LARGE1: variants seen among roughly 807,000 people sequenced by gnomAD.
LARGE1 encodes xylosyl- and glucuronyltransferase LARGE1.
In LARGE1, 43 loss-of-function variants were observed where a neutral mutation model predicts 87.6. The ratio of observed to expected loss-of-function variants is 0.49; its 90% CI spans 0.38 to 0.63. LARGE1 has a LOEUF of 0.63. Ranked by LOEUF, LARGE1 falls within the 30% of genes least tolerant of loss-of-function variation. The probability of loss-of-function intolerance (pLI) is 0.00; values close to 1 mark genes in which losing one functional copy is unlikely to be tolerated. For missense variants in LARGE1, 802 were observed against 1,000.2 expected (o/e 0.80, Z 2.67); for synonymous variants, 434 against 394.6 (o/e 1.10, Z -1.18).
intron 9 of LARGE1, among the ~76,000 whole-genome samples, chr22:33,371,948 C>A (rs2064823644): frequency 6.7e-6 from 1 of 149,886 alleles, no homozygotes; most frequent in Non-Finnish European, 1.5e-5. Context: ...TGCACCACTG[C>A]ACTCCAGCCT....
intron 1 of LARGE1, among the ~76,000 whole-genome samples, chr22:33,776,847 C>A (rs1442069209): frequency 1.3e-5 from 2 of 152,138 alleles, no homozygotes; most frequent in African/African-American, 4.8e-5. Context: ...TATTGCTTTA[C>A]CTTTTCTCTA....
At chr22:33,874,517 G>T (rs1252737229) in intron 1 of LARGE1, among the ~76,000 whole-genome samples, 2 of 152,156 alleles carry the variant, frequency 1.3e-5, no homozygotes, top group African/African-American at 2.4e-5. Context: ...TATTTTAAAT[G>T]GATTATAAAA....
intron 9 of LARGE1, among the ~76,000 whole-genome samples, chr22:33,359,754 T>C (rs796457571): frequency 2.0e-5 from 3 of 148,330 alleles, no homozygotes; most frequent in East Asian, 3.9e-4. Context: ...TTAGTAGAGA[T>C]GGGGTTTCAC....
intron 7 of LARGE1, among the ~76,000 whole-genome samples, chr22:33,409,619 G>C (rs998193541): frequency 6.6e-6 from 1 of 152,006 alleles, no homozygotes; most frequent in African/African-American, 2.4e-5. Context: ...AAATCCACTT[G>C]GGGAGGCTGA....
At chr22:33,561,476 G>A (rs903213400) in intron 6 of LARGE1, among the ~76,000 whole-genome samples, 1 of 152,198 alleles carries the variant, frequency 6.6e-6, no homozygotes, top group Non-Finnish European at 1.5e-5. Context: ...TATCTCGTGA[G>A]AAGCATACCA....
chr22:33,826,053 A>G (rs962107436), intron 1 of LARGE1, among the ~76,000 whole-genome samples: 3 of 152,146 alleles, frequency 2.0e-5, no homozygotes, highest in African/African-American at 2.4e-5. Context: ...AGGAGTGTTC[A>G]CTTCTGTCTT....
At chr22:33,555,369 T>C (rs2077644642) in intron 6 of LARGE1, among the ~76,000 whole-genome samples, 1 of 151,876 alleles carries the variant, frequency 6.6e-6, no homozygotes, top group East Asian at 2.0e-4. Flanking sequence ...TCTTGATAAG[T>C]AATTAGATAT....
intron 11 of LARGE1, among the ~76,000 whole-genome samples, chr22:33,247,192 C>A (rs1199962156): frequency 1.3e-5 from 2 of 151,330 alleles, no homozygotes; most frequent in East Asian, 3.9e-4. Context: ...CCAAAATGTT[C>A]TTTTTTAAAA....
chr22:33,511,950 G>A (rs1569226777), intron 6 of LARGE1, among the ~76,000 whole-genome samples: 3 of 152,124 alleles, frequency 2.0e-5, no homozygotes, highest in South Asian at 4.1e-4. Flanking sequence ...TTGTACCTGA[G>A]GCCCAGGAAA....
chr22:33,294,650 C>T (rs568791411), intron 12 of LARGE1, among the ~76,000 whole-genome samples: 9 of 152,182 alleles, frequency 5.9e-5, no homozygotes, highest in Non-Finnish European at 1.2e-4. Flanking sequence ...TCTGCATCTT[C>T]TTTGGGACTG....
intron 6 of LARGE1, among the ~76,000 whole-genome samples, chr22:33,474,942 A>T (rs2069007745): frequency 1.3e-5 from 2 of 152,160 alleles, no homozygotes; most frequent in Non-Finnish European, 2.9e-5. Flanking sequence ...AGCTGAAGTG[A>T]GAGGCCAGGA....
intron 1 of LARGE1, among the ~76,000 whole-genome samples, chr22:33,842,909 CAAACA>C (rs138595293): frequency 0.21 from 30,722 of 146,308 alleles, 3,335 homozygotes; most frequent in Middle Eastern, 0.31. Context: ...CATTCTAGCA[CAAACA>C]AAACAAAACA....
At chr22:33,610,762 G>A (rs2079403742) in intron 4 of LARGE1, among the ~76,000 whole-genome samples, 1 of 152,130 alleles carries the variant, frequency 6.6e-6, no homozygotes, top group African/African-American at 2.4e-5. Flanking sequence ...AAGTCTTCCA[G>A]GCTGCCCCTC....
intron 9 of LARGE1, among the ~76,000 whole-genome samples, chr22:33,350,931 T>C (rs1940313218): frequency 6.6e-6 from 1 of 152,172 alleles, no homozygotes; most frequent in Non-Finnish European, 1.5e-5. Flanking sequence ...CAGAGTCCTT[T>C]TGAGGAGACA....
intron 1 of LARGE1, among the ~76,000 whole-genome samples, chr22:33,912,195 C>A (rs79160455): frequency 6.6e-6 from 1 of 152,118 alleles, no homozygotes; most frequent in Admixed American, 6.5e-5. Flanking sequence ...GAAGGATCTA[C>A]GCAACTGTTC....
At chr22:33,586,420 C>T (rs931119766) in intron 5 of LARGE1, among the ~76,000 whole-genome samples, 19 of 151,932 alleles carry the variant, frequency 1.3e-4, no homozygotes, top group Admixed American at 1.2e-3. Context: ...TGTGAATACG[C>T]CATGCTGCCC....
chr22:33,483,213 G>T (rs968589309), intron 6 of LARGE1, among the ~76,000 whole-genome samples: 1 of 152,130 alleles, frequency 6.6e-6, no homozygotes, highest in Non-Finnish European at 1.5e-5. Flanking sequence ...TCATCCGGAG[G>T]CTCGGCAGAC....
At chr22:33,603,044 T>C (rs1569304991) in intron 5 of LARGE1, among the ~76,000 whole-genome samples, 1 of 144,778 alleles carries the variant, frequency 6.9e-6, no homozygotes, top group Admixed American at 7.1e-5. Flanking sequence ...AAATTTTGTT[T>C]TTCCCTTTTT....
At chr22:33,663,348 A>G (rs16992754) in intron 2 of LARGE1, among the ~76,000 whole-genome samples, 2,863 of 152,298 alleles carry the variant, frequency 0.019, 73 homozygotes, top group African/African-American at 0.057. Flanking sequence ...CAAGTCCTAC[A>G]CCGGAGAGTT....
Sources: allele counts gnomAD v4.1 joint callset (sites outside exome capture counted in the v4.1 genomes callset), GRCh38; gene constraint gnomAD v4.1.1; transcripts MANE v1.5; gene names NCBI Gene and HGNC (gene_info 2026-07-23, HGNC 2026-07-21).